The following FRY variants were observed in gnomAD, a reference collection of about 807,000 sequenced individuals.
The protein encoded by FRY is FRY microtubule binding protein, also known as protein furry homolog.
A neutral mutation model predicts 348.4 loss-of-function variants in FRY; 128 were observed. The observed-to-expected ratio is 0.37, with a 90% CI of 0.32 to 0.43. The LOEUF is 0.43. Among genes scored for constraint, FRY ranks in the 20% least tolerant of loss-of-function variants. The pLI, the probability that FRY is intolerant of heterozygous loss-of-function variation, is 1.00. For missense variants in FRY, 2,736 were observed against 3,695.2 expected (o/e 0.74, Z 6.73); for synonymous variants, 1,370 against 1,374.7 (o/e 1.00, Z 0.08).
intron 57 of FRY, among the ~76,000 whole-genome samples, 182 bp from the exon 58 acceptor site, chr13:32,278,283 C>T (rs369866181): frequency 2.6e-5 from 4 of 152,168 alleles, no homozygotes; most frequent in African/African-American, 9.6e-5. Context: ...TAAACAGATA[C>T]TTTTAATTTC....
At chr13:32,091,381 T>A (rs183464895) in intron 2 of FRY, among the ~76,000 whole-genome samples, 28 of 152,274 alleles carry the variant, frequency 1.8e-4, no homozygotes, top group African/African-American at 6.7e-4. Flanking sequence ...GGGAAGTCAT[T>A]TGGGGAGTAA....
chr13:32,214,716 C>T (rs1884884035), intron 35 of FRY, among the ~76,000 whole-genome samples: 1 of 152,152 alleles, frequency 6.6e-6, no homozygotes, highest in Non-Finnish European at 1.5e-5. Flanking sequence ...TTCAGTAACC[C>T]ATCTTGGAGG....
intron 55 of FRY, among the ~76,000 whole-genome samples, chr13:32,272,281 T>TGGAAGAGGTAG (rs1300063517): frequency 4.6e-5 from 7 of 152,256 alleles, no homozygotes; most frequent in Non-Finnish European, 7.3e-5. Context: ...GGTTGGATTT[T>TGGAAGAGGTAG]GGAAGAGGTA....
chr13:32,059,458 CA>C (rs10692049), intron 1 of FRY, among the ~76,000 whole-genome samples: 4,276 of 111,398 alleles, frequency 0.038, 70 homozygotes, highest in Middle Eastern at 0.089. Context: ...ACTTAGGAAG[CA>C]AAAAAAAAAA....
intron 11 of FRY, among the ~76,000 whole-genome samples, chr13:32,141,779 T>G (rs995331879): frequency 5.3e-5 from 8 of 152,156 alleles, no homozygotes; most frequent in African/African-American, 1.9e-4. Flanking sequence ...CTAAATTAAT[T>G]AAAAGCAAAA....
chr13:32,280,809 G>A (rs189725548), intron 58 of FRY, among the ~76,000 whole-genome samples: 144 of 152,172 alleles, frequency 9.5e-4, no homozygotes, highest in African/African-American at 2.9e-3. Context: ...TATAGCTTCC[G>A]GGTTAACCCT....
At chr13:32,196,851 T>A (rs964652644) in intron 29 of FRY, among the ~76,000 whole-genome samples, 3 of 152,218 alleles carry the variant, frequency 2.0e-5, no homozygotes, top group African/African-American at 7.2e-5. Context: ...ATTGCTTACT[T>A]GTTAGGCAGC....
intron 17 of FRY, among the ~76,000 whole-genome samples, chr13:32,163,066 C>T (rs769133268): frequency 6.6e-6 from 1 of 151,936 alleles, no homozygotes; most frequent in African/African-American, 2.4e-5. Context: ...TTGAGTCACC[C>T]GGGATGAGGG....
chr13:32,287,875 A>G (rs901709791), intron 58 of FRY: 1 of 1,354,366 alleles, frequency 7.4e-7, no homozygotes, highest in Non-Finnish European at 9.9e-7. Flanking sequence ...AGCAAATGGA[A>G]TCTCTTGCAG....
chr13:32,183,316 T>C (rs1224038638), intron 24 of FRY, among the ~76,000 whole-genome samples: 2 of 152,230 alleles, frequency 1.3e-5, no homozygotes, highest in African/African-American at 2.4e-5. Flanking sequence ...TGAGTTAAAA[T>C]TGAATTTTGG....
chr13:32,202,341 C>A lies in FRY; in HGVS notation c.3847-15C>A, dbSNP rs780903519. The A allele has an allele frequency of 3.7e-6, 6 of 1,607,406 alleles. No individual in the cohort carries two copies. The African/African-American group carries it at 8.0e-5, about 21-fold the overall frequency. On this transcript the variant is annotated splice_polypyrimidine_tract_variant and intron_variant, in intron 30 of 60. Coordinates refer to ENST00000542859, the MANE Select transcript of FRY (RefSeq NM_023037.3). ...GCTTTTCATACTACTTTTTTACTTT[C>A]CTACATCTTTATAGATCCTTGAAGC...
At chr13:32,182,183 A>T (rs559036595) in intron 23 of FRY, among the ~76,000 whole-genome samples, 98 of 152,362 alleles carry the variant, frequency 6.4e-4, no homozygotes, top group African/African-American at 2.3e-3. Context: ...ACAACAAGCT[A>T]CATCTTATCT....
chr13:32,064,481 C>G (rs1874124795), intron 1 of FRY, among the ~76,000 whole-genome samples: 2 of 151,868 alleles, frequency 1.3e-5, no homozygotes, highest in South Asian at 4.2e-4. Context: ...TGTTTTTATT[C>G]TATCATGCCT....
chr13:32,108,297 A>T lies in FRY; in HGVS notation c.324+6281A>T, dbSNP rs550966954. Reference sequence around the variant, plus strand: ...CTTCTAGATGAGAACAAGATTTATCAGGTGCCTAAAGCAGTAGAATCGATA... The same window carrying T: ...CTTCTAGATGAGAACAAGATTTATCTGGTGCCTAAAGCAGTAGAATCGATA... On this transcript the variant is annotated intron_variant, in intron 3 of 60. Coordinates refer to ENST00000542859, the MANE Select transcript of FRY (RefSeq NM_023037.3). Among the ~76,000 whole-genome samples, 5 of 152,340 alleles carry T rather than the reference A, an allele frequency of 3.3e-5. No individual in the cohort carries two copies. In the East Asian group the frequency reaches 9.6e-4, roughly 29 times the overall value.
In FRY at chr13:32,040,897, G is replaced by A. The variant is rs544112818; in HGVS notation, c.70+9032G>A. On this transcript the variant is annotated intron_variant, in intron 1 of 60. Coordinates refer to ENST00000542859, the MANE Select transcript of FRY (RefSeq NM_023037.3). ...TTTCAGTTAACCCATGATGAAATAC[G>A]AAAGGTCATAAGAATGCAAGAGGCT... is the stretch of plus-strand genomic sequence containing the variant. Among the ~76,000 whole-genome samples, 25 of 152,258 alleles carry A rather than the reference G, an allele frequency of 1.6e-4. 1 individual carries two copies. In the South Asian group the frequency reaches 4.4e-3, roughly 27 times the overall value.
chr13:32,210,067 G>C (rs1884600393), intron 33 of FRY, among the ~76,000 whole-genome samples: 1 of 152,184 alleles, frequency 6.6e-6, no homozygotes, highest in Non-Finnish European at 1.5e-5. Context: ...GTAAAGTGTT[G>C]TATTATTACT....
In FRY at chr13:32,254,402, G is replaced by A; in HGVS notation, c.7416+8G>A. The A allele has an allele frequency of 6.2e-7, 1 of 1,612,106 alleles. No homozygotes were observed. The highest frequency in any genetic ancestry group is 8.5e-7 in the Non-Finnish European group (1 of 1,178,200). ...GAGCTGGAGGATGGAGAGGTACGGT[G>A]TATTCTCTGTAAAAATAATCCCCGC... On this transcript the variant is annotated splice_region_variant and intron_variant, in intron 51 of 60. Transcript: ENST00000542859.
intron 7 of FRY, among the ~76,000 whole-genome samples, chr13:32,129,829 C>T (rs957594002): frequency 6.6e-6 from 1 of 152,142 alleles, no homozygotes; most frequent in Non-Finnish European, 1.5e-5. Flanking sequence ...GTTACCTCCC[C>T]ACCTAAGCCA....
chr13:32,112,957 A>T (rs1363455907), intron 3 of FRY, among the ~76,000 whole-genome samples: 1 of 152,232 alleles, frequency 6.6e-6, no homozygotes, highest in Non-Finnish European at 1.5e-5. Flanking sequence ...CTAGTGGAAC[A>T]CTGTTCTATG....
Sources: allele counts gnomAD v4.1 joint callset (sites outside exome capture counted in the v4.1 genomes callset), GRCh38; gene constraint gnomAD v4.1.1; transcripts MANE v1.5; gene names NCBI Gene and HGNC (gene_info 2026-07-23, HGNC 2026-07-21).